The following SCAPER variants were observed in gnomAD, a reference collection of about 807,000 sequenced individuals.
The protein encoded by SCAPER is S-phase cyclin A associated protein in the ER.
A neutral mutation model predicts 182.2 loss-of-function variants in SCAPER; 98 were observed. The ratio of observed to expected loss-of-function variants is 0.54; its 90% CI spans 0.46 to 0.64. SCAPER has a LOEUF of 0.64. Among genes scored for constraint, SCAPER ranks in the 30% least tolerant of loss-of-function variants. The pLI is 0.00. For synonymous variants in SCAPER, 605 were observed against 564.6 expected (o/e 1.07, Z -1.01); for missense variants, 1,432 against 1,690.0 (o/e 0.85, Z 2.68).
intron 27 of SCAPER, among the ~76,000 whole-genome samples, chr15:76,385,915 T>C (rs1450849645): frequency 6.6e-6 from 1 of 152,108 alleles, no homozygotes; most frequent in Non-Finnish European, 1.5e-5. Flanking sequence ...CAATAAAACA[T>C]TTAATATTTT....
At chr15:76,607,575 T>C (rs1402442160) in intron 22 of SCAPER, among the ~76,000 whole-genome samples, 1 of 151,842 alleles carries the variant, frequency 6.6e-6, no homozygotes, top group Non-Finnish European at 1.5e-5. Flanking sequence ...CCTTGCTAGA[T>C]TGGGGAAGTT....
intron 24 of SCAPER, among the ~76,000 whole-genome samples, chr15:76,480,189 A>G (rs904398919): frequency 6.6e-6 from 1 of 152,376 alleles, no homozygotes; most frequent in Admixed American, 6.5e-5. Context: ...TGTTAACACC[A>G]GAGCCCCAAT....
At chr15:76,724,060 C>T (rs1044463488) in intron 17 of SCAPER, among the ~76,000 whole-genome samples, 4 of 152,078 alleles carry the variant, frequency 2.6e-5, no homozygotes, top group East Asian at 1.9e-4. Flanking sequence ...GTGGGTGGTA[C>T]CGGTTGTTCC....
intron 4 of SCAPER, chr15:76,855,838 C>T (rs1326151584): frequency 3.0e-5 from 13 of 431,840 alleles, no homozygotes; most frequent in Admixed American, 9.6e-5. Context: ...TAAATTAGTT[C>T]GGCCATTATG....
At chr15:76,397,166 C>G (rs918485676) in intron 27 of SCAPER, among the ~76,000 whole-genome samples, 2 of 152,112 alleles carry the variant, frequency 1.3e-5, no homozygotes, top group African/African-American at 4.8e-5. Flanking sequence ...TCCTGACATT[C>G]CTGGGATAAA....
At chr15:76,838,123 C>T (rs2069116723) in intron 5 of SCAPER, among the ~76,000 whole-genome samples, 1 of 152,130 alleles carries the variant, frequency 6.6e-6, no homozygotes, top group African/African-American at 2.4e-5. Flanking sequence ...CAGCACTATC[C>T]ACAATAGCAA....
Position 76,542,051 on chromosome 15 carries a change from G to A in SCAPER, c.2838+32107C>T, listed in dbSNP as rs559349855. On this transcript the variant is annotated intron_variant, in intron 23 of 31. Transcript: ENST00000563290. Reference sequence around the variant, plus strand: ...CGGAAAAATCTGGACATTCTAAAAGGAGAAGCATTGAAAACTGTTCTACTC... The same window carrying A: ...CGGAAAAATCTGGACATTCTAAAAGAAGAAGCATTGAAAACTGTTCTACTC... 6.3e-4 allele frequency among the ~76,000 whole-genome samples: 96 copies of A among 152,192 alleles called. 1 individual carries two copies. The highest frequency in any genetic ancestry group is 1.3e-3 in the Admixed American group (20 of 15,292).
At chr15:76,613,077 T>A (rs964733033) in intron 22 of SCAPER, among the ~76,000 whole-genome samples, 4 of 152,036 alleles carry the variant, frequency 2.6e-5, no homozygotes, top group Non-Finnish European at 4.4e-5. Flanking sequence ...TACAGACACA[T>A]AGACCAATGG....
intron 25 of SCAPER, among the ~76,000 whole-genome samples, chr15:76,464,974 C>T (rs938768645): frequency 4.6e-5 from 7 of 152,182 alleles, no homozygotes; most frequent in African/African-American, 1.7e-4. Flanking sequence ...TGCATTTTCA[C>T]AGTGATTAGT....
At chr15:76,548,530 C>T (rs1483960124) in intron 23 of SCAPER, among the ~76,000 whole-genome samples, 1 of 152,172 alleles carries the variant, frequency 6.6e-6, no homozygotes, top group Non-Finnish European at 1.5e-5. Context: ...CAAGATATTT[C>T]GTGGCAAAGT....
At chr15:76,487,700 TA>T (rs950572597) in intron 24 of SCAPER, among the ~76,000 whole-genome samples, 2 of 152,126 alleles carry the variant, frequency 1.3e-5, no homozygotes, top group Non-Finnish European at 1.5e-5. Flanking sequence ...GTCTGTTAAT[TA>T]AAAAAACCTC....
chr15:76,450,381 T>C (rs1249948450), intron 25 of SCAPER, among the ~76,000 whole-genome samples: 1 of 152,250 alleles, frequency 6.6e-6, no homozygotes, highest in Non-Finnish European at 1.5e-5. Context: ...TTCCTTAAGC[T>C]CTCCGGCTTA....
intron 2 of SCAPER, among the ~76,000 whole-genome samples, chr15:76,865,685 A>C (rs17367297): frequency 0.38 from 58,105 of 151,940 alleles, 13,127 homozygotes; most frequent in Middle Eastern, 0.52. Flanking sequence ...GTTTCGGTAC[A>C]AAAATGAATC....
At chr15:76,680,534 A>G (rs1261223615) in intron 20 of SCAPER, among the ~76,000 whole-genome samples, 1 of 152,000 alleles carries the variant, frequency 6.6e-6, no homozygotes, top group African/African-American at 2.4e-5. Context: ...TTCATATTAA[A>G]ATTTGATCCC....
intron 22 of SCAPER, among the ~76,000 whole-genome samples, chr15:76,577,950 G>C (rs1006460430): frequency 1.3e-5 from 2 of 152,086 alleles, no homozygotes; most frequent in Non-Finnish European, 2.9e-5. Flanking sequence ...TTCTGCACCT[G>C]AACTGGGCCA....
intron 8 of SCAPER, among the ~76,000 whole-genome samples, chr15:76,780,488 T>G (rs2064050342): frequency 6.6e-6 from 1 of 152,246 alleles, no homozygotes; most frequent in African/African-American, 2.4e-5. Context: ...TTCTGCAGAC[T>G]TAGACGTCCA....
intron 29 of SCAPER, among the ~76,000 whole-genome samples, chr15:76,369,286 T>C (rs1464759470): frequency 6.6e-6 from 1 of 152,280 alleles, no homozygotes; most frequent in African/African-American, 2.4e-5. Flanking sequence ...TGTGGACAAA[T>C]TGGTTCTGTA....
intron 1 of SCAPER, among the ~76,000 whole-genome samples, chr15:76,894,635 G>A (rs535974766): frequency 2.6e-5 from 4 of 152,056 alleles, no homozygotes; most frequent in African/African-American, 9.6e-5. Flanking sequence ...AAAGATAAAT[G>A]AAACTGAAAA....
chr15:76,489,230 A>T (rs62028434), intron 24 of SCAPER, among the ~76,000 whole-genome samples: 39 of 135,324 alleles, frequency 2.9e-4, no homozygotes, highest in African/African-American at 7.8e-4. Context: ...TGCCATTAAA[A>T]GTAACAGAAA....
Sources: gnomAD v4.1 joint callset for allele counts (sites outside exome capture counted in the v4.1 genomes callset) on GRCh38, gnomAD v4.1.1 for gene constraint, MANE v1.5 for transcripts, NCBI Gene and HGNC (gene_info 2026-07-23, HGNC 2026-07-21) for gene names.